Variants in SMAP1 observed in about 807,000 individuals in gnomAD.
SMAP1 encodes small ArfGAP 1.
A neutral mutation model predicts 58.5 loss-of-function variants in SMAP1; 24 were observed. The observed-to-expected ratio is 0.41, with a 90% CI of 0.30 to 0.58. SMAP1 has a LOEUF of 0.58. Among genes scored for constraint, SMAP1 ranks in the 20% least tolerant of loss-of-function variants. The pLI is 0.29. For missense variants in SMAP1, 563 were observed against 566.3 expected, an observed-to-expected ratio of 0.99 and a Z score of 0.06; for synonymous variants, 216 against 196.6, an observed-to-expected ratio of 1.10 and a Z score of -0.82.
chr6:70,759,369 A>AGGTTG lies in SMAP1; in HGVS notation c.338+4316_338+4320dup, dbSNP rs753021630. ...AGTTTGTGTCTGTGGCAGGGTGGGG[A>AGGTTG]GGTTGGGTTGGGTTGGATTTTTTAG... On this transcript the variant is annotated intron_variant, in intron 3 of 10. Coordinates refer to ENST00000370455, the MANE Select transcript of SMAP1 (RefSeq NM_001044305.3). 1.7e-4 allele frequency among the ~76,000 whole-genome samples: 26 copies of AGGTTG among 151,776 alleles called. No homozygotes were observed. In the East Asian group the frequency reaches 3.9e-3, roughly 23 times the overall value.
At chr6:70,807,547 T>A (rs1046374841) in intron 6 of SMAP1, among the ~76,000 whole-genome samples, 2 of 152,242 alleles carry the variant, frequency 1.3e-5, no homozygotes, top group African/African-American at 4.8e-5. Flanking sequence ...TAAATATGTT[T>A]CTGTAGATGA....
At chr6:70,845,875 T>C (rs1468664769) in intron 7 of SMAP1, among the ~76,000 whole-genome samples, 2 of 152,144 alleles carry the variant, frequency 1.3e-5, no homozygotes, top group Non-Finnish European at 2.9e-5. Flanking sequence ...AGAGAAAGAA[T>C]TCCAGCCTCA....
chr6:70,793,691 A>G (rs1332777491), intron 5 of SMAP1, among the ~76,000 whole-genome samples: 1 of 151,480 alleles, frequency 6.6e-6, no homozygotes, highest in African/African-American at 2.4e-5. Context: ...AAAATTTTGG[A>G]AACTATGTCT....
intron 1 of SMAP1, among the ~76,000 whole-genome samples, chr6:70,697,969 G>GT (rs1311282365): frequency 6.6e-6 from 1 of 152,060 alleles, no homozygotes; most frequent in Non-Finnish European, 1.5e-5. Flanking sequence ...AATATTCTGC[G>GT]TTTTTTTGTG....
At chr6:70,705,112 G>A (rs1409682907) in intron 1 of SMAP1, among the ~76,000 whole-genome samples, 2 of 152,176 alleles carry the variant, frequency 1.3e-5, no homozygotes, top group Non-Finnish European at 2.9e-5. Context: ...GTCAATGAAT[G>A]AGTGAATGAA....
intron 4 of SMAP1, among the ~76,000 whole-genome samples, chr6:70,791,478 AT>A (rs1205558521): frequency 6.6e-6 from 1 of 152,174 alleles, no homozygotes; most frequent in African/African-American, 2.4e-5. Context: ...TAAATCATAT[AT>A]TATTCAGTAC....
At chr6:70,807,507 C>T (rs543095440) in intron 6 of SMAP1, among the ~76,000 whole-genome samples, 1 of 152,132 alleles carries the variant, frequency 6.6e-6, no homozygotes, top group East Asian at 1.9e-4. Flanking sequence ...ATTTATGTAC[C>T]AGGTTGTCTC....
chr6:70,729,391 A>G (rs940781155), intron 1 of SMAP1, among the ~76,000 whole-genome samples: 1 of 150,894 alleles, frequency 6.6e-6, no homozygotes, highest in African/African-American at 2.4e-5. Flanking sequence ...GTGAGCCGAG[A>G]TCACGCCACT....
At chr6:70,835,698 ACT>A (rs1389272635) in intron 6 of SMAP1, among the ~76,000 whole-genome samples, 1 of 151,382 alleles carries the variant, frequency 6.6e-6, no homozygotes, top group African/African-American at 2.4e-5. Flanking sequence ...GTAGAGACAG[ACT>A]CTTGCTATGT....
In SMAP1 at chr6:70,767,291, T is replaced by G. The variant is rs201756155; in HGVS notation, c.339-6059T>G. 1.2e-3 allele frequency among the ~76,000 whole-genome samples: 182 copies of G among 151,960 alleles called. 2 individuals are homozygous for G. In the East Asian group the frequency reaches 0.033, roughly 27 times the overall value. On this transcript the variant is annotated intron_variant, in intron 3 of 10. Coordinates refer to ENST00000370455, the MANE Select transcript of SMAP1 (RefSeq NM_001044305.3). ...TTTTCCAATTCTGTGAAGAAAGTCATTGGTAGCTTGATGGGGATGGCATTG... is the reference window on the plus strand; with the variant it reads ...TTTTCCAATTCTGTGAAGAAAGTCAGTGGTAGCTTGATGGGGATGGCATTG...
chr6:70,693,472 T>A (rs908179939), intron 1 of SMAP1, among the ~76,000 whole-genome samples: 1 of 151,706 alleles, frequency 6.6e-6, no homozygotes, highest in African/African-American at 2.4e-5. Context: ...GCCAGCTAAT[T>A]TTTGTATTTT....
chr6:70,749,304 C>G (rs1413096331), intron 2 of SMAP1, among the ~76,000 whole-genome samples: 1 of 152,144 alleles, frequency 6.6e-6, no homozygotes, highest in Non-Finnish European at 1.5e-5. Flanking sequence ...CCACCAAGTC[C>G]CTTCCCAACA....
chr6:70,762,009 G>A (rs1345479597), intron 3 of SMAP1, among the ~76,000 whole-genome samples: 1 of 152,018 alleles, frequency 6.6e-6, no homozygotes, highest in Admixed American at 6.6e-5. Flanking sequence ...ATAACTGCCG[G>A]TGTAATAATA....
At chr6:70,772,821 A>G (rs1299347134) in intron 3 of SMAP1, 1 of 152,498 alleles carries the variant, frequency 6.6e-6, no homozygotes, top group African/African-American at 2.4e-5. Flanking sequence ...TATATAGTGG[A>G]AAAGAACATA....
intron 6 of SMAP1, among the ~76,000 whole-genome samples, chr6:70,824,470 T>C (rs1407363133): frequency 6.6e-6 from 1 of 152,152 alleles, no homozygotes; most frequent in African/African-American, 2.4e-5. Context: ...CTTTTTTTTC[T>C]TCCACAGTCT....
At chr6:70,668,238 T>G (rs1766113809) in intron 1 of SMAP1, 97 bp downstream of exon 1, 1 of 1,149,166 alleles carries the variant, frequency 8.7e-7, no homozygotes, top group African/African-American at 1.6e-5. Context: ...ACGCCTCGGC[T>G]TCGCTGGCCG....
At chr6:70,799,154 T>C (rs1430090856) in intron 6 of SMAP1, among the ~76,000 whole-genome samples, 3 of 152,166 alleles carry the variant, frequency 2.0e-5, no homozygotes, top group Non-Finnish European at 4.4e-5. Flanking sequence ...AACGGGTACA[T>C]GTTTAAGAGA....
intron 2 of SMAP1, among the ~76,000 whole-genome samples, chr6:70,744,874 G>A (rs1175966028): frequency 1.1e-4 from 16 of 152,306 alleles, no homozygotes; most frequent in African/African-American, 3.8e-4. Flanking sequence ...TCTAACTGGT[G>A]TGAGATGGTA....
intron 4 of SMAP1, among the ~76,000 whole-genome samples, chr6:70,783,046 G>C (rs1017945358): frequency 3.9e-5 from 6 of 152,182 alleles, no homozygotes; most frequent in Non-Finnish European, 8.8e-5. Context: ...AGTAGGGGCA[G>C]ACTGACACCT....
Sources: gnomAD v4.1 joint callset for allele counts (sites outside exome capture counted in the v4.1 genomes callset) on GRCh38, gnomAD v4.1.1 for gene constraint, MANE v1.5 for transcripts, NCBI Gene and HGNC (gene_info 2026-07-23, HGNC 2026-07-21) for gene names.